Variants in PHKA1 observed in about 807,000 individuals in gnomAD.
PHKA1 encodes the protein phosphorylase b kinase regulatory subunit alpha, skeletal muscle isoform.
A neutral mutation model predicts 110.2 loss-of-function variants in PHKA1; 60 were observed. The observed-to-expected ratio is 0.54, with a 90% confidence interval of 0.44 to 0.68. PHKA1 has a LOEUF of 0.68. Among genes scored for constraint, PHKA1 ranks in the 30% least tolerant of loss-of-function variants. The probability of loss-of-function intolerance (pLI) is 0.00; values close to 1 mark genes in which losing one functional copy is unlikely to be tolerated. For missense variants in PHKA1, 801 were observed against 942.5 expected, an observed-to-expected ratio of 0.85 and a Z score of 1.97; for synonymous variants, 316 against 333.6, an observed-to-expected ratio of 0.95 and a Z score of 0.58.
chrX:72,688,019 G>A lies in PHKA1; in HGVS notation c.455-3439C>T, dbSNP rs782690798. Among the ~76,000 whole-genome samples, 4 of 109,181 alleles carry A rather than the reference G, an allele frequency of 3.7e-5. No individual in the cohort carries two copies. The South Asian group carries it at 1.6e-3, about 45-fold the overall frequency. The allele number at this position is 109,181 out of a possible 115,157, so 94.8% of individuals were successfully genotyped here. A position where few individuals can be genotyped will look rare whatever the true frequency, so the allele number is the denominator to read the frequency against. ...TTTTTTTGTATGTTTAGTAAAGAAG[G>A]GGTTTCACCATGTTGGCCAGGCTGG... On this transcript the variant is annotated intron_variant, in intron 4 of 31. Coordinates refer to ENST00000373542, the MANE Select transcript of PHKA1 (RefSeq NM_002637.4).
intron 3 of PHKA1, among the ~76,000 whole-genome samples, chrX:72,704,307 G>A (rs185616284): frequency 9.0e-6 from 1 of 111,319 alleles, no homozygotes; most frequent in Non-Finnish European, 1.9e-5. Context: ...TTCATTTGTT[G>A]GCAACACCAG....
chrX:72,704,859 G>A (rs12852989), intron 3 of PHKA1, among the ~76,000 whole-genome samples: 1,210 of 111,957 alleles, frequency 0.011, 6 homozygotes, highest in Non-Finnish European at 0.016. Context: ...CCAGAATGCC[G>A]GGATTACAGG....
intron 2 of PHKA1, among the ~76,000 whole-genome samples, chrX:72,710,042 CAAAAA>C (rs374071163): frequency 5.2e-5 from 1 of 19,255 alleles, no homozygotes; most frequent in South Asian, 4.1e-3. Flanking sequence ...ACTTAGTCTT[CAAAAA>C]AAAAAAAAAA....
chrX:72,704,949 C>T (rs1275684492), intron 3 of PHKA1, among the ~76,000 whole-genome samples: 1 of 111,309 alleles, frequency 9.0e-6, no homozygotes, highest in African/African-American at 3.3e-5. Flanking sequence ...ATTGCATGTA[C>T]AGTAATGATG....
chrX:72,671,634 T>C (rs1481377428), intron 6 of PHKA1, among the ~76,000 whole-genome samples: 1 of 111,559 alleles, frequency 9.0e-6, no homozygotes, highest in Non-Finnish European at 1.9e-5. Flanking sequence ...GCCAAGTCAA[T>C]CCTAAGCCAA....
chrX:72,690,651 G>T (rs980740017), intron 4 of PHKA1, among the ~76,000 whole-genome samples: 2 of 112,381 alleles, frequency 1.8e-5, no homozygotes, highest in Non-Finnish European at 3.8e-5. Context: ...AATTTCTGTT[G>T]TTTAAGCCAC....
At chrX:72,599,051 A>G (rs1374367632) in intron 28 of PHKA1, among the ~76,000 whole-genome samples, 1 of 111,120 alleles carries the variant, frequency 9.0e-6, no homozygotes, top group Non-Finnish European at 1.9e-5. Flanking sequence ...ATAAAGTACA[A>G]TTCAGACTGT....
At chrX:72,628,348 T>C (rs1162494826) in intron 16 of PHKA1, among the ~76,000 whole-genome samples, 1 of 109,559 alleles carries the variant, frequency 9.1e-6, no homozygotes, top group African/African-American at 3.3e-5. Flanking sequence ...CTTTCAAGAG[T>C]TTTTCGTGTT....
At chrX:72,651,066 G>A (rs1556298886) in intron 12 of PHKA1, among the ~76,000 whole-genome samples, 1 of 111,671 alleles carries the variant, frequency 9.0e-6, no homozygotes, top group East Asian at 2.8e-4. Flanking sequence ...TATCTTCTCT[G>A]GATATACATA....
intron 17 of PHKA1, 114 bp downstream of exon 17, chrX:72,626,857 A>G: frequency 1.6e-6 from 1 of 616,869 alleles, no homozygotes; most frequent in South Asian, 2.3e-5. Context: ...TCGGAGTCAA[A>G]TTGTAGATAA....
chrX:72,657,655 G>C lies in PHKA1; in HGVS notation c.865-14C>G. ...ACCATAACGACCCTGGGAATACAAAGAAAAAAGGTCAGCAGCTTGTACACT... is the reference window on the plus strand; with the variant it reads ...ACCATAACGACCCTGGGAATACAAACAAAAAAGGTCAGCAGCTTGTACACT... On this transcript the variant is annotated splice_polypyrimidine_tract_variant and intron_variant, in intron 8 of 31. Transcript: ENST00000373542. 8.4e-7 allele frequency: 1 copy of C among 1,195,441 alleles called. No homozygotes were observed.
intron 28 of PHKA1, among the ~76,000 whole-genome samples, chrX:72,596,025 T>A (rs782058252): frequency 8.9e-6 from 1 of 112,098 alleles, no homozygotes; most frequent in Non-Finnish European, 1.9e-5. Flanking sequence ...TTCACAATAG[T>A]CAAGATATGA....
chrX:72,627,811 C>CTTTTTTTTTTTTT (rs1160541868), intron 16 of PHKA1, among the ~76,000 whole-genome samples: 1 of 67,869 alleles, frequency 1.5e-5, no homozygotes, highest in African/African-American at 7.2e-5. Flanking sequence ...TTTTCCTACA[C>CTTTTTTTTTTTTT]TTTTTTTTTT....
rs1200391121 is a variant in PHKA1, at chrX:72,579,952, G to A, written c.*1050C>T. ...AGTAGGTGAGTGAGACAGAGACCAG[G>A]AGCACATGAAAAGAATGCTAAGTAG... On this transcript the variant is annotated 3_prime_UTR_variant, in exon 32 of 32. Transcript: ENST00000373542. 1 of 111,701 alleles carries A rather than the reference G, an allele frequency of 9.0e-6. No individual in the cohort carries two copies. The highest frequency in any genetic ancestry group is 3.8e-4 in the South Asian group (1 of 2,649). The allele number at this position is 111,701 out of a possible 1,213,427, so 9.2% of individuals were successfully genotyped here.
intron 16 of PHKA1, among the ~76,000 whole-genome samples, chrX:72,629,906 A>T (rs1365255609): frequency 9.0e-6 from 1 of 111,578 alleles, no homozygotes; most frequent in Non-Finnish European, 1.9e-5. Flanking sequence ...AGTGATGTAT[A>T]GAATCTTATC....
Position 72,626,953 on chromosome X carries a change from T to C in PHKA1, c.1793+18A>G. Reference sequence around the variant, plus strand: ...AATTTCATTTCATTTCACTAAAGAGTGTATAGAGGTCACTTACCTTGCCCC... The same window carrying C: ...AATTTCATTTCATTTCACTAAAGAGCGTATAGAGGTCACTTACCTTGCCCC... On this transcript the variant is annotated intron_variant, in intron 17 of 31. Coordinates refer to ENST00000373542, the MANE Select transcript of PHKA1 (RefSeq NM_002637.4). 3 of 1,142,640 alleles carry C rather than the reference T, an allele frequency of 2.6e-6. No individual in the cohort carries two copies. The highest frequency in any genetic ancestry group is 3.6e-6 in the Non-Finnish European group (3 of 833,028). The allele number at this position is 1,142,640 out of a possible 1,213,427, so 94.2% of individuals were successfully genotyped here. A position where few individuals can be genotyped will look rare whatever the true frequency, so the allele number is the denominator to read the frequency against.
At chrX:72,585,735 A>G (rs2052415563) in intron 29 of PHKA1, among the ~76,000 whole-genome samples, 1 of 112,385 alleles carries the variant, frequency 8.9e-6, no homozygotes, top group Admixed American at 9.4e-5. Flanking sequence ...GCACTTTTCC[A>G]GTGGTCTTAG....
intron 16 of PHKA1, among the ~76,000 whole-genome samples, chrX:72,633,311 G>C (rs188835764): frequency 9.0e-6 from 1 of 110,855 alleles, no homozygotes; most frequent in Non-Finnish European, 1.9e-5. Context: ...GCTTAAGAGA[G>C]TGGGTTTGCT....
chrX:72,581,153 G>T lies in PHKA1; in HGVS notation c.3521C>A (p.Thr1174Asn), dbSNP rs782703191. 3 of 1,195,715 alleles carry T rather than the reference G, an allele frequency of 2.5e-6. No homozygotes were observed. The South Asian group carries it at 5.3e-5, about 21-fold the overall frequency. Residue 1174 changes from threonine (T) to asparagine (N), a missense_variant, in exon 32 of 32, where the codon ACC becomes AAC. Physicochemically the swap from Thr to Asn is moderately conservative, Grantham distance 65. Transcript: ENST00000373542. ...QEQKTLGADD[T>N]MLAKDPASGI... ...AGATGCGGGATCCTTTGCCAACATG[G>T]TATCATCTGCGCCAAGGGTTTTCTG...
Sources: allele counts gnomAD v4.1 joint callset (sites outside exome capture counted in the v4.1 genomes callset), GRCh38; gene constraint gnomAD v4.1.1; transcripts MANE v1.5; gene names NCBI Gene and HGNC (gene_info 2026-07-23, HGNC 2026-07-21).